The following CDC25C variants were observed in gnomAD, a reference collection of about 807,000 sequenced individuals.
CDC25C encodes cell division cycle 25C.
A neutral mutation model predicts 52.5 loss-of-function variants in CDC25C; 48 were observed. The observed-to-expected ratio is 0.91, with a 90% CI of 0.72 to 1.16. CDC25C has a LOEUF of 1.16. CDC25C is among the 50% of genes most tolerant of loss of function. The pLI is 0.00. For missense variants in CDC25C, 510 were observed against 566.1 expected (o/e 0.90, Z 1.01); for synonymous variants, 187 against 206.5 (o/e 0.91, Z 0.81).
upstream of CDC25C, chr5:138,331,979 G>A: frequency 1.2e-6 from 1 of 868,368 alleles, no homozygotes; most frequent in Non-Finnish European, 1.4e-6. Flanking sequence ...GGTAAGACTT[G>A]CCCCGCCCCA....
rs1759836230 is a variant in CDC25C at position 138,326,123 on chromosome 5, G to T, written c.336-69C>A. Reference sequence around the variant, plus strand: ...TGTTTGATTATTCTTCAGTGGATTGGTGCATCCCAACATTTTTCTATTTCA... The same window carrying T: ...TGTTTGATTATTCTTCAGTGGATTGTTGCATCCCAACATTTTTCTATTTCA... On this transcript the variant is annotated intron_variant, in intron 4 of 13. Coordinates refer to ENST00000323760, the MANE Select transcript of CDC25C (RefSeq NM_001790.5). 5 of 1,512,538 alleles carry T rather than the reference G, an allele frequency of 3.3e-6. No homozygotes were observed. In the Admixed American group the frequency reaches 8.4e-5, roughly 25 times the overall value. The allele number at this position is 1,512,538 out of a possible 1,614,324, so 93.7% of individuals were successfully genotyped here.
chr5:138,315,399 G>A (rs550814563), intron 7 of CDC25C, among the ~76,000 whole-genome samples: 3 of 152,040 alleles, frequency 2.0e-5, no homozygotes, highest in Admixed American at 6.5e-5. Flanking sequence ...CCACTGGGGG[G>A]TCTCAGAATG....
chr5:138,338,291 G>C (rs1330895657), exon 1 of CDC25C: 1 of 744,788 alleles, frequency 1.3e-6, no homozygotes, highest in South Asian at 1.4e-5. Flanking sequence ...GCGGCCCTGG[G>C]AGCTGGAGGA....
At position 138,289,040 on chromosome 5, in the gene CDC25C, C is replaced by G. The variant is rs192194543; in HGVS notation, c.927+461G>C. On this transcript the variant is annotated intron_variant, in intron 10 of 13. Coordinates refer to ENST00000323760, the MANE Select transcript of CDC25C (RefSeq NM_001790.5). ...AGTACAGTGGCACGATCTCTGCTCA[C>G]TGCAACCTCCCCAACTGGGGTTCAA... Among the ~76,000 whole-genome samples, 8 of 152,278 alleles carry G rather than the reference C, an allele frequency of 5.3e-5. No homozygotes were observed. The East Asian group carries it at 1.5e-3, about 29-fold the overall frequency.
chr5:138,286,527 C>T lies in CDC25C; in HGVS notation c.1130G>A (p.Cys377Tyr), dbSNP rs900866274. 7 of 1,613,624 alleles carry T rather than the reference C, an allele frequency of 4.3e-6. No individual in the cohort carries two copies. Among genetic ancestry groups the T allele is most frequent in the Non-Finnish European group, 5.9e-6 (7 of 1,179,810 alleles). The change falls in exon 12 of 14, where the codon TGT (cysteine) becomes TAT (tyrosine). Residue 377 changes from cysteine (C) to tyrosine (Y), a missense_variant. Physicochemically the swap from Cys to Tyr is radical, Grantham distance 194. Transcript: ENST00000323760. ...TQKRIIIVFH[C>Y]EFSSERGPRM... is the part of the protein sequence containing the mutation. ...GGGGCCCCTCTCTGAGGAGAATTCA[C>T]AGTGGAACACGATGATTATTCTCTT...
chr5:138,302,722 T>C (rs1757724754), intron 7 of CDC25C, among the ~76,000 whole-genome samples: 1 of 148,814 alleles, frequency 6.7e-6, no homozygotes, highest in African/African-American at 2.5e-5. Context: ...TAATTCATCA[T>C]ATTAACAGAT....
chr5:138,285,917 T>C lies in CDC25C; in HGVS notation c.1273-76A>G, dbSNP rs767117847. The C allele has an allele frequency of 3.2e-6, 5 of 1,559,476 alleles. No homozygotes were observed. In the South Asian group the frequency reaches 4.5e-5, roughly 14 times the overall value. On this transcript the variant is annotated intron_variant, in intron 13 of 13. Transcript: ENST00000323760. ...CTATGAAGGATAATAGAGATGCTGC[T>C]GCTGGCAGTGGCTAAGGAGGAGCAG...
At chr5:138,301,707 T>TAAA (rs1268170573) in intron 7 of CDC25C, among the ~76,000 whole-genome samples, 1 of 146,214 alleles carries the variant, frequency 6.8e-6, no homozygotes, top group Non-Finnish European at 1.5e-5. Context: ...AAAAAAAAAT[T>TAAA]TTTTTTTTTT....
At position 138,331,181 on chromosome 5, in the gene CDC25C, G is replaced by T; in HGVS notation, c.-1C>A. 6.2e-7 allele frequency: 1 copy of T among 1,613,836 alleles called. No individual in the cohort carries two copies. The highest frequency in any genetic ancestry group is 8.5e-7 in the Non-Finnish European group (1 of 1,179,734). ...TGGATGAGAAGAGTTCCGTAGACAT[G>T]GTCTTCGAATTCTCACCAGGAGAAA... On this transcript the variant is annotated 5_prime_UTR_variant, in exon 2 of 14. Coordinates refer to ENST00000323760, the MANE Select transcript of CDC25C (RefSeq NM_001790.5).
At position 138,338,073 on chromosome 5, in the gene CDC25C, A is replaced by G. The variant is rs1347769024; in HGVS notation, c.-105T>C. The G allele has an allele frequency of 3.1e-6, 4 of 1,289,688 alleles. No individual in the cohort carries two copies. The Admixed American group carries it at 9.2e-5, about 30-fold the overall frequency. The allele number at this position is 1,289,688 out of a possible 1,614,324, so 79.9% of individuals were successfully genotyped here. ...TAGTGAGGAAACCACCCCCATCCCT[A>G]AATCAAAGCGCCAGGCTCGTTCCCA... On this transcript the variant is annotated 5_prime_UTR_variant, in exon 1 of 6. Coordinates refer to the CDC25C transcript ENST00000510119.
At chr5:138,336,899 C>T (rs973838465) in intron 1 of CDC25C, 4 of 152,054 alleles carry the variant, frequency 2.6e-5, no homozygotes, top group Non-Finnish European at 5.9e-5. Context: ...GCTCCTGCCT[C>T]CTCCCCTCCC....
rs1760343438 is a variant in CDC25C at position 138,331,122 on chromosome 5, C to G, written c.59G>C (p.Ser20Thr). 6.2e-7 allele frequency: 1 copy of G among 1,614,078 alleles called. No individual in the cohort carries two copies. The highest frequency in any genetic ancestry group is 8.5e-7 in the Non-Finnish European group (1 of 1,179,902). The part of the protein sequence containing the change: ...REEGSSGSGP[S>T]FRSNQRKMLN... Reference sequence around the variant, plus strand: ...CATTTTCCTTTGATTAGACCTAAAACTGGGTCCTGAGCCAGAGCTTCCTTC... The same window carrying G: ...CATTTTCCTTTGATTAGACCTAAAAGTGGGTCCTGAGCCAGAGCTTCCTTC... The change falls in exon 2 of 14, where the codon AGT becomes ACT. Residue 20 changes from serine (S) to threonine (T), a missense_variant. Coordinates refer to ENST00000323760, the MANE Select transcript of CDC25C (RefSeq NM_001790.5).
chr5:138,331,273 A>G (rs1036026258), intron 1 of CDC25C, 55 bp from the exon 2 acceptor site: 2 of 1,196,542 alleles, frequency 1.7e-6, no homozygotes, highest in Admixed American at 1.8e-5. Context: ...AGCTTTCCTA[A>G]ACTCCTCCAC....
chr5:138,328,362 C>T (rs571699824), intron 4 of CDC25C, 122 bp downstream of exon 4: 34 of 806,856 alleles, frequency 4.2e-5, no homozygotes, highest in Non-Finnish European at 6.8e-5. Flanking sequence ...GGAACTAGGC[C>T]TCAAAGCCCA....
chr5:138,316,295 C>T (rs572219532), intron 7 of CDC25C, among the ~76,000 whole-genome samples: 4 of 152,310 alleles, frequency 2.6e-5, no homozygotes, highest in South Asian at 2.1e-4. Flanking sequence ...TGTTACAGTC[C>T]GGGGGCGGAT....
intron 6 of CDC25C, among the ~76,000 whole-genome samples, chr5:138,323,649 A>C (rs13173805): frequency 5.3e-5 from 8 of 152,042 alleles, no homozygotes; most frequent in African/African-American, 1.9e-4. Context: ...TGCTCAGCAG[A>C]AAGTAATTTT....
chr5:138,286,230 C>A (rs1039395362), intron 12 of CDC25C, 97 bp from the exon 13 acceptor site: 4 of 971,038 alleles, frequency 4.1e-6, no homozygotes, highest in Admixed American at 4.8e-5. Context: ...TAGACTATTG[C>A]CAACCTCAAA....
chr5:138,286,500 CG>C lies in CDC25C; in HGVS notation c.1156del (p.Arg386GlufsTer13), dbSNP rs755748798. 4 of 1,610,102 alleles carry C rather than the reference CG, an allele frequency of 2.5e-6. No homozygotes were observed. The highest frequency in any genetic ancestry group is 3.4e-6 in the Non-Finnish European group (4 of 1,178,268). ...CAGACCCCATTTAGACACTCACATT[CG>C]GGGGCCCCTCTCTGAGGAGAATTCA... is the stretch of plus-strand genomic sequence containing the variant. ...HCEFSSERGPRMCRCLREEDR... is the reference protein window; with the variant it reads ...HCEFSSERGPXMCRCLREEDR... On this transcript the variant is annotated frameshift_variant, in exon 12 of 14. Coordinates refer to ENST00000323760, the MANE Select transcript of CDC25C (RefSeq NM_001790.5). LOFTEE classifies it high-confidence loss of function.
At chr5:138,335,284 G>A (rs1412997693), upstream of CDC25C, 1 of 152,308 alleles carries the variant, frequency 6.6e-6, no homozygotes, top group African/African-American at 2.4e-5. Flanking sequence ...GGTAGGCTTA[G>A]CCCTACTTCT....
Sources: allele counts gnomAD v4.1 joint callset (sites outside exome capture counted in the v4.1 genomes callset), GRCh38; gene constraint gnomAD v4.1.1; transcripts MANE v1.5; gene names NCBI Gene and HGNC (gene_info 2026-07-23, HGNC 2026-07-21).